The following DDX17 variants were observed in gnomAD, a reference collection of about 807,000 sequenced individuals.
DDX17 encodes the protein probable ATP-dependent RNA helicase DDX17.
In DDX17, 10 loss-of-function variants were observed where a neutral mutation model predicts 80.8. The ratio of observed to expected loss-of-function variants is 0.12; its 90% CI spans 0.08 to 0.21. DDX17 has a LOEUF of 0.21. Ranked by LOEUF, DDX17 falls within the 10% of genes least tolerant of loss-of-function variation. The pLI, the probability that DDX17 is intolerant of heterozygous loss-of-function variation, is 1.00. For missense variants in DDX17, 586 were observed against 957.4 expected (o/e 0.61, Z 5.12); for synonymous variants, 339 against 336.2 (o/e 1.01, Z -0.09).
intron 1 of DDX17, among the ~76,000 whole-genome samples, chr22:38,503,575 C>A (rs1469434898): frequency 2.0e-5 from 3 of 151,986 alleles, no homozygotes; most frequent in Non-Finnish European, 4.4e-5. Context: ...CCTCAAAATT[C>A]AAGAAAGCCT....
In DDX17 at chr22:38,483,830, A is replaced by ATAAG. The variant is rs1323626006; in HGVS notation, c.*2101_*2104dup. The ATAAG allele has an allele frequency of 6.6e-6, 1 of 152,218 alleles. No individual in the cohort carries two copies. Among genetic ancestry groups the ATAAG allele is most frequent in the African/African-American group, 2.4e-5 (1 of 41,454 alleles). 9.4% of individuals were successfully genotyped at this position (152,218 alleles called of 1,614,324 possible). On this transcript the variant is annotated 3_prime_UTR_variant, in exon 13 of 13. Coordinates refer to ENST00000403230, the MANE Select transcript of DDX17 (RefSeq NM_006386.5). ...TGAAGCCAACAGCAGAACCTGAATT[A>ATAAG]TAAGTGACAGACATGGAGGCAGAAG... is the stretch of plus-strand genomic sequence containing the variant.
intron 1 of DDX17, among the ~76,000 whole-genome samples, chr22:38,503,908 T>G (rs1407142761): frequency 2.0e-5 from 3 of 152,046 alleles, no homozygotes; most frequent in African/African-American, 7.2e-5. Flanking sequence ...AAAGGGAGAG[T>G]TGGGGCACAG....
chr22:38,488,119 C>T lies in DDX17; in HGVS notation c.1448-4G>A. 1 of 1,614,116 alleles carries T rather than the reference C, an allele frequency of 6.2e-7. No homozygotes were observed. The highest frequency in any genetic ancestry group is 8.5e-7 in the Non-Finnish European group (1 of 1,180,030). ...ACAAACTTGACATCTTCCACATCTT[C>T]CACGTCAATGATGAGTCAGTGTGTA... On this transcript the variant is annotated splice_region_variant and splice_polypyrimidine_tract_variant and intron_variant, in intron 11 of 12. Transcript: ENST00000403230.
At chr22:38,498,276 G>A in intron 4 of DDX17, 126 bp from the exon 5 acceptor site, 1 of 1,377,810 alleles carries the variant, frequency 7.3e-7, no homozygotes, top group Non-Finnish European at 1.0e-6. Context: ...GCTATATACA[G>A]GAAGCAATAC....
At chr22:38,493,923 A>T in intron 9 of DDX17, 98 bp downstream of exon 9, 2 of 1,191,400 alleles carry the variant, frequency 1.7e-6, no homozygotes, top group South Asian at 1.3e-5. Flanking sequence ...CTGCATGGAT[A>T]GGCATTATTG....
chr22:38,485,814 AAT>A lies in DDX17; in HGVS notation c.*119_*120del, dbSNP rs2089650683. On this transcript the variant is annotated 3_prime_UTR_variant, in exon 13 of 13. Coordinates refer to ENST00000403230, the MANE Select transcript of DDX17 (RefSeq NM_006386.5). ...ACAAATCACGATGGTTGGGGGGAAAAATTAAAAAAAAAAAAAGAAAAAAGGAA... is the reference window on the plus strand; with the variant it reads ...ACAAATCACGATGGTTGGGGGGAAAATAAAAAAAAAAAAAGAAAAAAGGAA... The A allele has an allele frequency of 6.5e-5, 81 of 1,249,976 alleles. No homozygotes were observed. In the South Asian group the frequency reaches 1.4e-3, roughly 21 times the overall value. 77.4% of individuals were successfully genotyped at this position (1,249,976 alleles called of 1,614,324 possible). A position where few individuals can be genotyped will look rare whatever the true frequency, so the allele number is the denominator to read the frequency against.
At chr22:38,499,531 C>G (rs1395942839) in intron 2 of DDX17, 32 bp from the exon 3 acceptor site, 3 of 1,498,148 alleles carry the variant, frequency 2.0e-6, no homozygotes, top group Non-Finnish European at 2.8e-6. Flanking sequence ...AGTTAGTAAA[C>G]TAGTTATTCT....
At chr22:38,501,948 A>G (rs528418303) in intron 1 of DDX17, among the ~76,000 whole-genome samples, 31 of 152,356 alleles carry the variant, frequency 2.0e-4, no homozygotes, top group Non-Finnish European at 3.7e-4. Context: ...GATTGTGGAC[A>G]AGAAGGAAGA....
In DDX17 at chr22:38,494,931, A is replaced by G. The variant is rs2089745650; in HGVS notation, c.996T>C (p.Asp332=). The G allele has an allele frequency of 2.5e-6, 4 of 1,614,234 alleles. No homozygotes were observed. The East Asian group carries it at 8.9e-5, about 36-fold the overall frequency. ...TACGGATCTGGGGTTCAAACCCCAT[A>G]TCAAGCATTCTGTCAGCTTCGTCCA... The change falls in exon 7 of 13, where the codon GAT becomes GAC. Residue 332 remains aspartate (D), a synonymous_variant. Coordinates refer to ENST00000403230, the MANE Select transcript of DDX17 (RefSeq NM_006386.5).
At chr22:38,491,819 T>G in intron 11 of DDX17, 2 of 390,048 alleles carry the variant, frequency 5.1e-6, no homozygotes, top group East Asian at 4.6e-5. Context: ...CAAAGCCTGT[T>G]TGTTAGGAGC....
In DDX17 at chr22:38,501,135, T is replaced by A. The variant is rs1214189900; in HGVS notation, c.433A>T (p.Thr145Ser). 6.2e-7 allele frequency: 1 copy of A among 1,613,734 alleles called. No individual in the cohort carries two copies. The highest frequency in any genetic ancestry group is 1.7e-5 in the Admixed American group (1 of 59,894). The change falls in exon 2 of 13, where the codon ACA becomes TCA. Residue 145 changes from threonine to serine, a missense_variant. Thr to Ser is a moderately conservative substitution (Grantham distance 58). Around this residue, in one of 4 missense-constraint regions of DDX17, gnomAD observed 215 missense variants for 238.4 expected, o/e 0.90. Coordinates refer to ENST00000403230, the MANE Select transcript of DDX17 (RefSeq NM_006386.5). ...AAACACACATGTAAACTTACTGGTG[T>A]CAGCCTTGCTACTTCCGGATGTTCC...
Position 38,486,054 on chromosome 22 carries a change from G to A in DDX17, c.2071C>T (p.Pro691Ser). 1.2e-6 allele frequency: 2 copies of A among 1,614,106 alleles called. No individual in the cohort carries two copies. Among genetic ancestry groups the A allele is most frequent in the Non-Finnish European group, 1.7e-6 (2 of 1,180,030 alleles). ...TGTGCAAACTGTTGTGACATCAGTG[G>A]CTGTGGCTGCTGCCCAGACCGGCCT... is the stretch of plus-strand genomic sequence containing the variant. Residue 691 changes from proline (P) to serine (S), a missense_variant, in exon 13 of 13, where the codon CCA (proline) becomes TCA (serine). Physicochemically the swap from Pro to Ser is moderately conservative, Grantham distance 74. Around this residue, in one of 4 missense-constraint regions of DDX17, gnomAD observed 221 missense variants for 261.4 expected, o/e 0.85. Coordinates refer to ENST00000403230, the MANE Select transcript of DDX17 (RefSeq NM_006386.5).
chr22:38,495,071 G>C (rs2089746788), intron 6 of DDX17, 25 bp from the exon 7 acceptor site: 2 of 1,603,506 alleles, frequency 1.2e-6, no homozygotes, highest in Non-Finnish European at 1.7e-6. Flanking sequence ...CAATGATCGA[G>C]CCAATCGACT....
At chr22:38,500,708 C>T (rs138452) in intron 2 of DDX17, among the ~76,000 whole-genome samples, 144,309 of 151,214 alleles carry the variant, frequency 0.95, 68,972 homozygotes, top group Admixed American at 0.98. Context: ...TCCCAGCTAC[C>T]TGGGAGGCTG....
In DDX17 at chr22:38,506,276, G is replaced by C. The variant is rs763674270; in HGVS notation, c.-39C>G. The C allele has an allele frequency of 1.6e-4, 245 of 1,544,544 alleles. No individual in the cohort carries two copies. The highest frequency in any genetic ancestry group is 2.1e-4 in the Non-Finnish European group (237 of 1,149,714). On this transcript the variant is annotated 5_prime_UTR_variant, in exon 1 of 13. Transcript: ENST00000403230. ...CAAACCGGGCAGTGCCGCGGTTTAG[G>C]CGTCTCCTTCCTTCCCAGCGACTGC...
chr22:38,486,923 A>G (rs1235265006), intron 12 of DDX17, among the ~76,000 whole-genome samples: 2 of 152,242 alleles, frequency 1.3e-5, no homozygotes, highest in African/African-American at 4.8e-5. Flanking sequence ...TCGTAATCCC[A>G]GCACTTTGGG....
At chr22:38,498,320 T>C in intron 4 of DDX17, 120 bp downstream of exon 4, 1 of 1,443,708 alleles carries the variant, frequency 6.9e-7, no homozygotes, top group Non-Finnish European at 9.4e-7. Flanking sequence ...ATATATTTAA[T>C]AACTAAAATA....
intron 1 of DDX17, 106 bp downstream of exon 1, chr22:38,505,845 T>A: frequency 1.4e-6 from 2 of 1,387,572 alleles, no homozygotes; most frequent in Non-Finnish European, 1.9e-6. Flanking sequence ...TCCCCTCGCC[T>A]CCCGGGTCGA....
chr22:38,490,693 T>C, intron 11 of DDX17: 1 of 274,650 alleles, frequency 3.6e-6, no homozygotes, highest in South Asian at 3.2e-5. Context: ...AAGCCTTCAC[T>C]TTCCAGGATC....
Sources: gnomAD v4.1 joint callset for allele counts (sites outside exome capture counted in the v4.1 genomes callset) on GRCh38, gnomAD v4.1.1 for gene constraint, gnomAD v4.1.1 regional missense constraint, MANE v1.5 for transcripts, NCBI Gene and HGNC (gene_info 2026-07-23, HGNC 2026-07-21) for gene names.